Variants in CAMK4 observed in about 807,000 individuals in gnomAD.
The protein encoded by CAMK4 is calcium/calmodulin-dependent protein kinase type IV.
A neutral mutation model predicts 44.9 loss-of-function variants in CAMK4; 22 were observed. That is an observed-to-expected ratio of 0.49 (90% confidence interval 0.35 to 0.70). CAMK4 has a LOEUF of 0.70. Among genes scored for constraint, CAMK4 ranks in the 30% least tolerant of loss-of-function variants. The probability of loss-of-function intolerance (pLI) is 0.01; values close to 1 mark genes in which losing one functional copy is unlikely to be tolerated. For missense variants in CAMK4, 498 were observed against 586.8 expected, an observed-to-expected ratio of 0.85 and a Z score of 1.56; for synonymous variants, 218 against 215.4, an observed-to-expected ratio of 1.01 and a Z score of -0.11.
chr5:111,292,731 G>A (rs947355964), intron 1 of CAMK4, among the ~76,000 whole-genome samples: 2 of 151,956 alleles, frequency 1.3e-5, no homozygotes, highest in Non-Finnish European at 1.5e-5. Flanking sequence ...AGACCAGCCT[G>A]GGCAACATAG....
chr5:111,459,529 A>G (rs958424347), intron 7 of CAMK4, among the ~76,000 whole-genome samples: 1 of 152,180 alleles, frequency 6.6e-6, no homozygotes, highest in Non-Finnish European at 1.5e-5. Flanking sequence ...TATACTCTAT[A>G]CATGTAAACT....
intron 1 of CAMK4, among the ~76,000 whole-genome samples, chr5:111,271,673 T>C (rs1750524489): frequency 1.3e-5 from 2 of 152,168 alleles, no homozygotes; most frequent in African/African-American, 4.8e-5. Context: ...AGTAAATTCA[T>C]AGAAAAGTAT....
intron 5 of CAMK4, among the ~76,000 whole-genome samples, chr5:111,443,637 C>T (rs747564654): frequency 1.3e-5 from 2 of 151,866 alleles, no homozygotes; most frequent in Non-Finnish European, 2.9e-5. Context: ...TTAACTTGCA[C>T]TTAGAACGCA....
At chr5:111,382,156 CT>C (rs34317781) in intron 4 of CAMK4, among the ~76,000 whole-genome samples, 1 of 152,136 alleles carries the variant, frequency 6.6e-6, no homozygotes, top group Non-Finnish European at 1.5e-5. Flanking sequence ...CTCTCTTCAC[CT>C]TTTTTGAGGT....
At chr5:111,351,231 A>G (rs1458333618) in intron 2 of CAMK4, among the ~76,000 whole-genome samples, 2 of 152,068 alleles carry the variant, frequency 1.3e-5, no homozygotes, top group Non-Finnish European at 2.9e-5. Context: ...AATATACTAC[A>G]TTTGTATAGA....
At chr5:111,463,711 TC>T (rs1320097537) in intron 7 of CAMK4, among the ~76,000 whole-genome samples, 1 of 152,174 alleles carries the variant, frequency 6.6e-6, no homozygotes, top group Non-Finnish European at 1.5e-5. Flanking sequence ...CCCCAGCAGC[TC>T]CACTGGGTGG....
At chr5:111,245,738 G>A (rs185703003) in intron 1 of CAMK4, among the ~76,000 whole-genome samples, 60 of 152,342 alleles carry the variant, frequency 3.9e-4, no homozygotes, top group African/African-American at 1.3e-3. Context: ...GTGGTAAGAT[G>A]ACTGCTGTGT....
At chr5:111,418,115 G>A (rs1752879032) in intron 5 of CAMK4, among the ~76,000 whole-genome samples, 1 of 151,988 alleles carries the variant, frequency 6.6e-6, no homozygotes, top group African/African-American at 2.4e-5. Flanking sequence ...TTTTCCTTAA[G>A]CGTTGGCCAG....
intron 1 of CAMK4, among the ~76,000 whole-genome samples, chr5:111,299,145 G>A (rs563360068): frequency 5.3e-5 from 8 of 152,332 alleles, no homozygotes; most frequent in South Asian, 2.1e-4. Flanking sequence ...AAATGGCTGC[G>A]CTTTAGTCAG....
chr5:111,259,326 T>G (rs1416304074), intron 1 of CAMK4, among the ~76,000 whole-genome samples: 1 of 152,206 alleles, frequency 6.6e-6, no homozygotes, highest in African/African-American at 2.4e-5. Context: ...TCAATAAAAC[T>G]GAGAGCAGTC....
rs1580607792 is a variant in CAMK4 at position 111,333,385 on chromosome 5, A to G, written c.162-10639A>G. Among the ~76,000 whole-genome samples the G allele has an allele frequency of 2.0e-5, 3 of 147,214 alleles. No homozygotes were observed. In the South Asian group the frequency reaches 6.9e-4, roughly 34 times the overall value. ...TGATTAGTTGATACTAATAGCTAAC[A>G]ATATGATGCATAAAATATTTTGAAG... On this transcript the variant is annotated intron_variant, in intron 1 of 10. Transcript: ENST00000282356.
intron 1 of CAMK4, among the ~76,000 whole-genome samples, chr5:111,337,577 A>G (rs1317573930): frequency 6.6e-6 from 1 of 150,684 alleles, no homozygotes; most frequent in African/African-American, 2.4e-5. Flanking sequence ...ACACATCTCT[A>G]AATTTAATGT....
chr5:111,456,954 G>A (rs891800529), intron 7 of CAMK4, among the ~76,000 whole-genome samples: 4 of 152,200 alleles, frequency 2.6e-5, no homozygotes, highest in African/African-American at 9.7e-5. Flanking sequence ...AATGAAACAG[G>A]AGATATGCTG....
chr5:111,404,250 C>G (rs1263671176), intron 5 of CAMK4, among the ~76,000 whole-genome samples: 1 of 152,188 alleles, frequency 6.6e-6, no homozygotes, highest in Non-Finnish European at 1.5e-5. Context: ...GGAGACTTAA[C>G]AACTAAATGT....
chr5:111,419,908 G>T (rs1464368642), intron 5 of CAMK4, among the ~76,000 whole-genome samples: 1 of 152,164 alleles, frequency 6.6e-6, no homozygotes, highest in African/African-American at 2.4e-5. Context: ...TTTGGCTTAG[G>T]ATTGACTTGG....
chr5:111,322,398 C>G (rs1480641006), intron 1 of CAMK4, among the ~76,000 whole-genome samples: 2 of 152,012 alleles, frequency 1.3e-5, no homozygotes, highest in African/African-American at 4.8e-5. Context: ...CGTCCTAGGG[C>G]AAGGACCATG....
chr5:111,345,372 A>C (rs1749822920), intron 2 of CAMK4, among the ~76,000 whole-genome samples: 1 of 151,942 alleles, frequency 6.6e-6, no homozygotes, highest in Non-Finnish European at 1.5e-5. Flanking sequence ...TTGATTGATA[A>C]GATTTGGAAT....
chr5:111,461,290 G>A (rs918429030), intron 7 of CAMK4, among the ~76,000 whole-genome samples: 1 of 152,180 alleles, frequency 6.6e-6, no homozygotes, highest in Admixed American at 6.5e-5. Flanking sequence ...ATTCACTGTA[G>A]TAAGCTGACA....
chr5:111,283,178 C>T (rs1344517005), intron 1 of CAMK4: 3 of 152,176 alleles, frequency 2.0e-5, no homozygotes, highest in Non-Finnish European at 4.4e-5. Flanking sequence ...AAAGATCTAT[C>T]ATATTTGACT....
Sources: allele counts gnomAD v4.1 joint callset (sites outside exome capture counted in the v4.1 genomes callset), GRCh38; gene constraint gnomAD v4.1.1; transcripts MANE v1.5; gene names NCBI Gene and HGNC (gene_info 2026-07-23, HGNC 2026-07-21).